Variants in AKAP19 observed in about 807,000 individuals in gnomAD.
AKAP19 encodes small A-kinase anchoring protein.
chr2:190,172,013 CT>C, the AKAP19 span, among the ~76,000 whole-genome samples: 1 of 152,114 alleles, frequency 6.6e-6, no homozygotes, highest in East Asian at 1.9e-4. Flanking sequence ...GTGTCTGTTC[CT>C]TATCTTAACA....
chr2:190,198,081 C>G, the AKAP19 span, among the ~76,000 whole-genome samples: 1 of 152,262 alleles, frequency 6.6e-6, no homozygotes, highest in Non-Finnish European at 1.5e-5. Flanking sequence ...AACTTGTTTC[C>G]CTTTTAAAAT....
chr2:190,092,117 G>T, the AKAP19 span, among the ~76,000 whole-genome samples: 2 of 152,032 alleles, frequency 1.3e-5, no homozygotes. Flanking sequence ...GATTCTTTCA[G>T]ATTTTTGTTA....
the AKAP19 span, among the ~76,000 whole-genome samples, chr2:190,195,321 A>G: frequency 2.4e-3 from 359 of 152,342 alleles, 2 homozygotes; most frequent in African/African-American, 8.1e-3. Flanking sequence ...TAAGCGTTCA[A>G]CTTATTGGGT....
the AKAP19 span, among the ~76,000 whole-genome samples, chr2:190,050,727 A>T: frequency 6.6e-6 from 1 of 152,324 alleles, no homozygotes; most frequent in African/African-American, 2.4e-5. Context: ...GTCAGTCAGA[A>T]TCTATTTCTA....
chr2:190,178,500 C>T, the AKAP19 span, among the ~76,000 whole-genome samples: 2 of 152,220 alleles, frequency 1.3e-5, no homozygotes. This position sits in a 1 kb window ranked among gnomAD's most constrained non-coding sequence, Gnocchi z 6.3. Context: ...CTCCAGTGCA[C>T]ACCCATGAGG....
chr2:189,905,670 A>T, the AKAP19 span, among the ~76,000 whole-genome samples: 1 of 152,082 alleles, frequency 6.6e-6, no homozygotes, highest in African/African-American at 2.4e-5. Flanking sequence ...GCAGTACTGC[A>T]TATGAATTTC....
chr2:190,196,167 GTCT>G, the AKAP19 span, among the ~76,000 whole-genome samples: 22 of 151,744 alleles, frequency 1.4e-4, 1 homozygote, highest in Non-Finnish European at 3.1e-4. Context: ...TTCCTTTCCT[GTCT>G]TCTTCTGGGT....
At chr2:190,100,260 C>A in the AKAP19 span, among the ~76,000 whole-genome samples, 6,137 of 151,974 alleles carry the variant, frequency 0.04, 408 homozygotes, top group African/African-American at 0.14. Context: ...TAAAAAAAAA[C>A]CAGTATGTGC....
the AKAP19 span, among the ~76,000 whole-genome samples, chr2:189,937,348 C>T: frequency 3.3e-5 from 5 of 151,944 alleles, no homozygotes; most frequent in African/African-American, 1.2e-4. Flanking sequence ...GGAAAGCCAG[C>T]TGACATGTTG....
the AKAP19 span, among the ~76,000 whole-genome samples, chr2:190,003,940 C>T: frequency 6.6e-6 from 1 of 152,122 alleles, no homozygotes; most frequent in Non-Finnish European, 1.5e-5. Context: ...TTATTTCACA[C>T]CATACATCTA....
the AKAP19 span, among the ~76,000 whole-genome samples, chr2:190,161,502 A>G: frequency 1.3e-5 from 2 of 152,180 alleles, no homozygotes; most frequent in South Asian, 2.1e-4. Flanking sequence ...TAACCATTCC[A>G]TTATTTACTA....
chr2:189,895,681 A>T, the AKAP19 span, among the ~76,000 whole-genome samples: 1 of 152,162 alleles, frequency 6.6e-6, no homozygotes, highest in Admixed American at 6.6e-5. Flanking sequence ...CCAAATATTG[A>T]GGGGACTTGA....
At chr2:189,884,939 T>G in the AKAP19 span, among the ~76,000 whole-genome samples, 5 of 152,220 alleles carry the variant, frequency 3.3e-5, no homozygotes, top group African/African-American at 1.2e-4. Context: ...TACAGATAGA[T>G]TTTTAATGCA....
chr2:190,180,406 C>A, the AKAP19 span: 49 of 923,420 alleles, frequency 5.3e-5, no homozygotes, highest in Non-Finnish European at 6.1e-5. This position sits in a 1 kb window ranked among gnomAD's most constrained non-coding sequence, Gnocchi z 6.8. Flanking sequence ...CTCACCAGGG[C>A]GGAGCTCAGG....
the AKAP19 span, among the ~76,000 whole-genome samples, chr2:190,001,439 C>T: frequency 1.2e-4 from 18 of 152,160 alleles, no homozygotes; most frequent in Non-Finnish European, 4.4e-5. Flanking sequence ...TATTTCCCCC[C>T]AGGAAATGGT....
chr2:189,928,067 T>C, the AKAP19 span, among the ~76,000 whole-genome samples: 1 of 152,194 alleles, frequency 6.6e-6, no homozygotes, highest in Non-Finnish European at 1.5e-5. Context: ...TTAGTATTGT[T>C]TAATCTGGAA....
chr2:190,144,637 G>A, the AKAP19 span, among the ~76,000 whole-genome samples: 1 of 152,192 alleles, frequency 6.6e-6, no homozygotes, highest in African/African-American at 2.4e-5. Context: ...CATAAAAGTA[G>A]TCTAGAATAC....
chr2:189,938,545 A>G, the AKAP19 span, among the ~76,000 whole-genome samples: 2 of 152,086 alleles, frequency 1.3e-5, no homozygotes, highest in Admixed American at 1.3e-4. Context: ...TAAATCATGG[A>G]GATAAAGAGT....
the AKAP19 span, among the ~76,000 whole-genome samples, chr2:190,006,975 G>A: frequency 6.0e-5 from 9 of 150,334 alleles, no homozygotes; most frequent in African/African-American, 1.5e-4. Context: ...AGCCGAGATC[G>A]CACCACTGCA....
Sources: gnomAD v4.1 joint callset for allele counts (sites outside exome capture counted in the v4.1 genomes callset) on GRCh38, gnomAD v4.1.1 for gene constraint, Gnocchi (gnomAD v3.1) non-coding constraint, MANE v1.5 for transcripts, NCBI Gene and HGNC (gene_info 2026-07-23, HGNC 2026-07-21) for gene names.